Variants in PXDC1 observed in about 807,000 individuals in gnomAD.
The protein encoded by PXDC1 is PX domain-containing protein 1.
Under a neutral mutation model 24.4 loss-of-function variants are expected in PXDC1, and 13 were observed. The observed-to-expected ratio is 0.53, with a 90% CI of 0.35 to 0.85. PXDC1 has a LOEUF of 0.85. Among genes scored for constraint, PXDC1 ranks in the 40% least tolerant of loss-of-function variants. PXDC1 has a pLI of 0.01. For synonymous variants in PXDC1, 162 were observed against 124.9 expected, an observed-to-expected ratio of 1.30 and a Z score of -1.98; for missense variants, 344 against 309.3, an observed-to-expected ratio of 1.11 and a Z score of -0.84.
chr6:3,743,068 G>A (rs1308629282), intron 1 of PXDC1, among the ~76,000 whole-genome samples: 1 of 152,202 alleles, frequency 6.6e-6, no homozygotes, highest in East Asian at 1.9e-4. Context: ...AGAAACCTGG[G>A]TCCAGAGTCC....
chr6:3,746,922 C>A (rs1015084014), intron 1 of PXDC1, among the ~76,000 whole-genome samples: 1 of 152,112 alleles, frequency 6.6e-6, no homozygotes, highest in South Asian at 2.1e-4. Context: ...CAGCCCTTTT[C>A]TGGTAATGTC....
chr6:3,725,737 G>A lies in PXDC1; in HGVS notation c.578+1814C>T, dbSNP rs1430836470. On this transcript the variant is annotated intron_variant, in intron 4 of 4. Coordinates refer to ENST00000380283, the MANE Select transcript of PXDC1 (RefSeq NM_183373.4). The surrounding 1 kb of genome is among the most constrained non-coding windows in gnomAD (Gnocchi z 4.8). The stretch of plus-strand genomic sequence containing the variant: ...AGCCGGTGCCGTGTAGAAACAGATC[G>A]TCCCTGTGAGACACTGGAGCTGGAC... Among the ~76,000 whole-genome samples, 4 of 152,166 alleles carry A rather than the reference G, an allele frequency of 2.6e-5. No individual in the cohort carries two copies. Among genetic ancestry groups the A allele is most frequent in the Admixed American group, 6.5e-5 (1 of 15,288 alleles).
rs1760003743 is a variant in PXDC1 at position 3,724,150 on chromosome 6, C to A, written c.579-414G>T. Among the ~76,000 whole-genome samples, 1 of 152,106 alleles carries A rather than the reference C, an allele frequency of 6.6e-6. No homozygotes were observed. Among genetic ancestry groups the A allele is most frequent in the African/African-American group, 2.4e-5 (1 of 41,416 alleles). ...GAGTGGTCACGAGCTCACAGCCTGA[C>A]CGCAGCAGAGATGACACACGGACGC... On this transcript the variant is annotated intron_variant, in intron 4 of 4. Coordinates refer to ENST00000380283, the MANE Select transcript of PXDC1 (RefSeq NM_183373.4). This position sits in a 1 kb window ranked among gnomAD's most constrained non-coding sequence, Gnocchi z 4.5.
rs74450053 is a variant in PXDC1 at position 3,726,694 on chromosome 6, C to G, written c.578+857G>C. Among the ~76,000 whole-genome samples the G allele has an allele frequency of 1.3e-3, 200 of 152,360 alleles. 2 individuals carry two copies. In the East Asian group the frequency reaches 0.03, roughly 23 times the overall value. Reference sequence around the variant, plus strand: ...ACATGTGGCCGGCTCTAGTTTCAATCTGCTGCTATGGAGGGCTAGCAAATG... The same window carrying G: ...ACATGTGGCCGGCTCTAGTTTCAATGTGCTGCTATGGAGGGCTAGCAAATG... On this transcript the variant is annotated intron_variant, in intron 4 of 4. Transcript: ENST00000380283.
At chr6:3,726,168 C>A (rs1000140862) in intron 4 of PXDC1, among the ~76,000 whole-genome samples, 3 of 152,208 alleles carry the variant, frequency 2.0e-5, no homozygotes, top group African/African-American at 7.2e-5. Flanking sequence ...AGAGCCTGCA[C>A]AACTGGTGAT....
chr6:3,729,619 G>T (rs915385614), intron 3 of PXDC1, among the ~76,000 whole-genome samples: 4 of 152,194 alleles, frequency 2.6e-5, no homozygotes, highest in African/African-American at 9.7e-5. Context: ...CGCTGAACAG[G>T]CGGACTGTGA....
At chr6:3,747,862 C>T (rs1224060595) in intron 1 of PXDC1, among the ~76,000 whole-genome samples, 3 of 151,662 alleles carry the variant, frequency 2.0e-5, no homozygotes, top group Non-Finnish European at 4.4e-5. Flanking sequence ...GTGCCACCAT[C>T]ACCTACACAT....
At chr6:3,739,014 T>G in intron 1 of PXDC1, 1 of 1,243,310 alleles carries the variant, frequency 8.0e-7, no homozygotes, top group Non-Finnish European at 1.0e-6. Context: ...GCCAGAACTA[T>G]TAATGGCAAA....
rs889750508 is a variant in PXDC1, at chr6:3,724,391, G to A, written c.579-655C>T. On this transcript the variant is annotated intron_variant, in intron 4 of 4. Transcript: ENST00000380283. The surrounding 1 kb of genome is among the most constrained non-coding windows in gnomAD (Gnocchi z 4.5). ...CAAACATAAGGGGACGTAAAAGCCC[G>A]CGATACTGACTCCCCACACACTGGA... Among the ~76,000 whole-genome samples, 9 of 152,114 alleles carry A rather than the reference G, an allele frequency of 5.9e-5. No individual in the cohort carries two copies. Among genetic ancestry groups the A allele is most frequent in the Non-Finnish European group, 1.3e-4 (9 of 68,016 alleles).
intron 1 of PXDC1, among the ~76,000 whole-genome samples, chr6:3,748,295 G>T (rs1760613392): frequency 6.6e-6 from 1 of 152,082 alleles, no homozygotes. Flanking sequence ...CCCTAGGGCT[G>T]CGGGACAAGA....
At chr6:3,738,241 G>A (rs1362457314) in intron 1 of PXDC1, 93 bp from the exon 2 acceptor site, 6 of 924,266 alleles carry the variant, frequency 6.5e-6, no homozygotes, top group Non-Finnish European at 1.1e-5. Flanking sequence ...AAACCGCCAG[G>A]GTCGTCATCT....
chr6:3,738,949 C>T (rs1760393623), intron 1 of PXDC1: 5 of 1,299,022 alleles, frequency 3.8e-6, no homozygotes, highest in South Asian at 1.2e-5. Context: ...ACTTGTGTGA[C>T]CGAGGCTGAT....
intron 2 of PXDC1, 56 bp downstream of exon 2, chr6:3,738,001 G>T (rs2127600312): frequency 1.4e-6 from 2 of 1,403,100 alleles, no homozygotes; most frequent in Non-Finnish European, 1.0e-6. Flanking sequence ...TTTCGCATTT[G>T]GGAGGTGCCA....
At chr6:3,734,313 C>A (rs1760268092) in intron 3 of PXDC1, among the ~76,000 whole-genome samples, 1 of 152,182 alleles carries the variant, frequency 6.6e-6, no homozygotes, top group Non-Finnish European at 1.5e-5. Flanking sequence ...GGCCTCTAAT[C>A]TATCCCTCTC....
rs552092633 is a variant in PXDC1, at chr6:3,725,816, G to C, written c.578+1735C>G. The stretch of plus-strand genomic sequence containing the variant: ...GAGGAGCCAGAGAAAGGCCCGGCAA[G>C]CCCAAGTCGGAACTCCCTCCAGATG... On this transcript the variant is annotated intron_variant, in intron 4 of 4. Coordinates refer to ENST00000380283, the MANE Select transcript of PXDC1 (RefSeq NM_183373.4). The surrounding 1 kb of genome is among the most constrained non-coding windows in gnomAD (Gnocchi z 4.8). Among the ~76,000 whole-genome samples, 6 of 152,228 alleles carry C rather than the reference G, an allele frequency of 3.9e-5. No homozygotes were observed. The highest frequency in any genetic ancestry group is 7.3e-5 in the Non-Finnish European group (5 of 68,042).
chr6:3,737,083 T>C lies in PXDC1; in HGVS notation c.462A>G (p.Ile154Met). Residue 154 changes from isoleucine (I) to methionine (M), a missense_variant, in exon 3 of 5, where the codon ATA becomes ATG. Transcript: ENST00000380283. The surrounding 1 kb of genome is among the most constrained non-coding windows in gnomAD (Gnocchi z 5.5). ...CGCCTCCTTTGTGGCTCTTACCTGA[T>C]ATTTTGACTGGACTTTGAAAGCTGG... ...IQPSFQSPVK[I>M]SEIMRSNGFC... The C allele has an allele frequency of 1.3e-6, 2 of 1,594,132 alleles. No homozygotes were observed. The highest frequency in any genetic ancestry group is 1.7e-6 in the Non-Finnish European group (2 of 1,161,712).
intron 3 of PXDC1, among the ~76,000 whole-genome samples, chr6:3,735,568 T>C (rs1201067493): frequency 6.6e-6 from 1 of 152,182 alleles, no homozygotes; most frequent in Non-Finnish European, 1.5e-5. Context: ...GGGGAGATCA[T>C]AGAAGCAGCA....
intron 1 of PXDC1, chr6:3,738,755 G>T (rs1001612408): frequency 7.0e-5 from 90 of 1,288,092 alleles, no homozygotes; most frequent in Non-Finnish European, 8.4e-5. Context: ...CCACACACCC[G>T]AGTGGCTGTC....
At chr6:3,734,607 A>G (rs1198484557) in intron 3 of PXDC1, among the ~76,000 whole-genome samples, 1 of 152,162 alleles carries the variant, frequency 6.6e-6, no homozygotes, top group Non-Finnish European at 1.5e-5. Context: ...TCACTCTCCC[A>G]TAAAGGTTCT....
Sources: gnomAD v4.1 joint callset for allele counts (sites outside exome capture counted in the v4.1 genomes callset) on GRCh38, gnomAD v4.1.1 for gene constraint, Gnocchi (gnomAD v3.1) non-coding constraint, MANE v1.5 for transcripts, NCBI Gene and HGNC (gene_info 2026-07-23, HGNC 2026-07-21) for gene names.